MSI2: variants seen among roughly 807,000 people sequenced by gnomAD.
The protein encoded by MSI2 is RNA-binding protein Musashi homolog 2.
Under a neutral mutation model 45.6 loss-of-function variants are expected in MSI2, and 17 were observed. That is an observed-to-expected ratio of 0.37 (90% CI 0.26 to 0.56). The LOEUF (loss-of-function observed/expected upper bound fraction) is 0.56. MSI2 is among the 20% of genes least tolerant of loss of function. The pLI, the probability that MSI2 is intolerant of heterozygous loss-of-function variation, is 0.77. For missense variants in MSI2, 293 were observed against 444.2 expected (o/e 0.66, Z 3.06); for synonymous variants, 156 against 158.2 (o/e 0.99, Z 0.11).
intron 5 of MSI2, among the ~76,000 whole-genome samples, chr17:57,288,709 C>T (rs566004162): frequency 6.6e-5 from 10 of 152,268 alleles, no homozygotes; most frequent in South Asian, 2.1e-4. Context: ...TTACAGGGAA[C>T]GGAGGCTGTG....
chr17:57,579,209 T>A (rs2088133884), intron 7 of MSI2, among the ~76,000 whole-genome samples: 1 of 152,200 alleles, frequency 6.6e-6, no homozygotes, highest in Admixed American at 6.5e-5. Context: ...CAGCTGAGGT[T>A]CCTTAAGGCC....
intron 6 of MSI2, among the ~76,000 whole-genome samples, chr17:57,475,663 G>A (rs911483060): frequency 1.3e-5 from 2 of 152,026 alleles, no homozygotes; most frequent in Non-Finnish European, 2.9e-5. Context: ...GTCTGCTAGT[G>A]CCACCCGTAA....
chr17:57,625,013 T>C (rs1194666641), intron 9 of MSI2, among the ~76,000 whole-genome samples: 2 of 152,104 alleles, frequency 1.3e-5, no homozygotes, highest in African/African-American at 4.8e-5. Flanking sequence ...CGCTTCCTCA[T>C]AGATGGCCCC....
chr17:57,563,316 T>C (rs1432034841), intron 7 of MSI2, among the ~76,000 whole-genome samples: 1 of 152,092 alleles, frequency 6.6e-6, no homozygotes, highest in Non-Finnish European at 1.5e-5. Context: ...CTTGCTCTCT[T>C]TAGTGATTTA....
At position 57,485,675 on chromosome 17, in the gene MSI2, T is replaced by G. The variant is rs183876395; in HGVS notation, c.406-44001T>G. Reference sequence around the variant, plus strand: ...TGAGCTTCCTGAATCTTGATCTGCATGCTGAGTTCCTCAGATGAGGTTAAT... The same window carrying G: ...TGAGCTTCCTGAATCTTGATCTGCAGGCTGAGTTCCTCAGATGAGGTTAAT... On this transcript the variant is annotated intron_variant, in intron 6 of 13. Transcript: ENST00000284073. 2.2e-4 allele frequency among the ~76,000 whole-genome samples: 33 copies of G among 152,346 alleles called. No individual in the cohort carries two copies. In the East Asian group the frequency reaches 5.6e-3, roughly 26 times the overall value.
At chr17:57,676,639 GT>G (rs1173185702) in intron 12 of MSI2, among the ~76,000 whole-genome samples, 5 of 152,232 alleles carry the variant, frequency 3.3e-5, no homozygotes, top group Non-Finnish European at 5.9e-5. Flanking sequence ...AGCTAGAGCC[GT>G]TGGGACTGCG....
intron 7 of MSI2, among the ~76,000 whole-genome samples, chr17:57,580,685 G>A (rs975107746): frequency 2.6e-5 from 4 of 152,190 alleles, no homozygotes; most frequent in Admixed American, 2.0e-4. Flanking sequence ...CCTGGGACAG[G>A]CTGGGAAGAG....
chr17:57,567,771 G>A (rs959815707), intron 7 of MSI2, among the ~76,000 whole-genome samples: 1 of 152,232 alleles, frequency 6.6e-6, no homozygotes, highest in Admixed American at 6.5e-5. Flanking sequence ...CCCAGGGAAG[G>A]GTGGAATGTA....
At chr17:57,429,053 C>T (rs1216696004) in intron 6 of MSI2, among the ~76,000 whole-genome samples, 1 of 152,112 alleles carries the variant, frequency 6.6e-6, no homozygotes, top group Non-Finnish European at 1.5e-5. Context: ...TCCTTAGTGC[C>T]CTCAAGACCT....
chr17:57,334,278 T>TA (rs1914515632), intron 5 of MSI2, among the ~76,000 whole-genome samples: 1 of 152,202 alleles, frequency 6.6e-6, no homozygotes, highest in African/African-American at 2.4e-5. Context: ...AAAATGCTGA[T>TA]AAAATCTGAG....
chr17:57,256,856 A>ACCGCCGTCCCC, intron 1 of MSI2, 52 bp downstream of exon 1: 1 of 1,358,226 alleles, frequency 7.4e-7, no homozygotes, highest in Non-Finnish European at 9.7e-7. Flanking sequence ...CTCTCCTTGC[A>ACCGCCGTCCCC]GCGGCGGGGA....
At chr17:57,272,598 T>C (rs1310509701) in intron 5 of MSI2, among the ~76,000 whole-genome samples, 1 of 152,224 alleles carries the variant, frequency 6.6e-6, no homozygotes, top group Non-Finnish European at 1.5e-5. Flanking sequence ...TCCATGTTGC[T>C]CTTGTGCAAG....
chr17:57,490,696 C>T (rs953644688), intron 6 of MSI2, among the ~76,000 whole-genome samples: 8 of 152,024 alleles, frequency 5.3e-5, no homozygotes, highest in Non-Finnish European at 7.4e-5. Flanking sequence ...TATCACAGGC[C>T]GAGAAGCGAC....
intron 5 of MSI2, among the ~76,000 whole-genome samples, chr17:57,385,916 C>T (rs1035566223): frequency 6.6e-6 from 1 of 152,184 alleles, no homozygotes; most frequent in African/African-American, 2.4e-5. Flanking sequence ...TCTTCAAGGG[C>T]ACAGAACGAA....
At chr17:57,347,679 A>C (rs563149749) in intron 5 of MSI2, among the ~76,000 whole-genome samples, 1 of 152,320 alleles carries the variant, frequency 6.6e-6, no homozygotes, top group Admixed American at 6.5e-5. Context: ...AAAGCAAAGA[A>C]GTGGAAATTT....
chr17:57,307,490 T>A (rs1912020022), intron 5 of MSI2, among the ~76,000 whole-genome samples: 1 of 151,236 alleles, frequency 6.6e-6, no homozygotes, highest in South Asian at 2.1e-4. Flanking sequence ...AGTGGTGCAA[T>A]CTCAGCCCTC....
intron 4 of MSI2, among the ~76,000 whole-genome samples, chr17:57,261,087 A>G (rs1377481675): frequency 6.6e-6 from 1 of 152,254 alleles, no homozygotes; most frequent in Non-Finnish European, 1.5e-5. Flanking sequence ...TAGAAATTCA[A>G]TGAAAACCGA....
At chr17:57,541,730 C>G (rs1201255710) in intron 7 of MSI2, among the ~76,000 whole-genome samples, 3 of 152,188 alleles carry the variant, frequency 2.0e-5, no homozygotes, top group African/African-American at 7.2e-5. Context: ...TCTTAATCCC[C>G]TGGTTTGGTT....
At chr17:57,602,202 ATTTTTTTTTTAAT>A (rs776086271) in intron 8 of MSI2, among the ~76,000 whole-genome samples, 11 of 150,154 alleles carry the variant, frequency 7.3e-5, no homozygotes, top group Non-Finnish European at 1.5e-4. Flanking sequence ...ACATTATGAG[ATTTTTTTTTTAAT>A]TTTTTTTTTT....
Sources: gnomAD v4.1 joint callset for allele counts (sites outside exome capture counted in the v4.1 genomes callset) on GRCh38, gnomAD v4.1.1 for gene constraint, MANE v1.5 for transcripts, NCBI Gene and HGNC (gene_info 2026-07-23, HGNC 2026-07-21) for gene names.